DNMBP: variants seen among roughly 807,000 people sequenced by gnomAD.
The protein encoded by DNMBP is dynamin binding protein, also known as dynamin-binding protein.
DNMBP carries 87 observed loss-of-function variants against 150.0 expected under a neutral mutation model. The ratio of observed to expected loss-of-function variants is 0.58; its 90% CI spans 0.49 to 0.69. The LOEUF (loss-of-function observed/expected upper bound fraction) is 0.69. Ranked by LOEUF, DNMBP falls within the 30% of genes least tolerant of loss-of-function variation. DNMBP has a pLI of 0.00. For missense variants in DNMBP, 1,774 were observed against 1,949.0 expected (o/e 0.91, Z 1.69); for synonymous variants, 711 against 750.4 (o/e 0.95, Z 0.86).
chr10:99,895,692 C>T (rs888933281), intron 10 of DNMBP, among the ~76,000 whole-genome samples: 2 of 152,208 alleles, frequency 1.3e-5, no homozygotes, highest in Admixed American at 6.5e-5. Flanking sequence ...CTGTGGCATG[C>T]CTGCCCCCTT....
chr10:100,002,065 C>T (rs1443947198), intron 1 of DNMBP, among the ~76,000 whole-genome samples: 4 of 152,004 alleles, frequency 2.6e-5, no homozygotes, highest in Non-Finnish European at 4.4e-5. Flanking sequence ...CCAATCAAAG[C>T]AAAATGAACA....
rs2040475377 is a variant in DNMBP at position 99,955,462 on chromosome 10, T to A, written c.2012A>T (p.Glu671Val). The A allele has an allele frequency of 3.1e-6, 5 of 1,609,742 alleles. No homozygotes were observed. The highest frequency in any genetic ancestry group is 4.2e-6 in the Non-Finnish European group (5 of 1,177,360). Residue 671 changes from glutamate to valine, a missense_variant, in exon 4 of 17, where the codon GAG (glutamate) becomes GTG (valine). Physicochemically the swap from Glu to Val is moderately radical, Grantham distance 121 (BLOSUM62 -2). Around this residue, in one of 2 missense-constraint regions of DNMBP, gnomAD observed 1,430 missense variants for 1,492.5 expected, o/e 0.96. Transcript: ENST00000324109. ...KLLSRHRPTCETLEKEGPGHM... is the reference protein window; with the variant it reads ...KLLSRHRPTCVTLEKEGPGHM... ...ACCAGGGCCCTCCTTTTCTAAGGTC[T>A]CACAGGTAGGACGGTGTCGAGATAG...
At chr10:99,968,968 G>A (rs12267886) in intron 3 of DNMBP, 147 bp downstream of exon 3, 32,009 of 795,678 alleles carry the variant, frequency 0.04, 870 homozygotes, top group South Asian at 0.087. Flanking sequence ...TAAACTATAA[G>A]GCATCATTAC....
chr10:99,888,214 G>GTTTGTTTT (rs1554859135), intron 12 of DNMBP, among the ~76,000 whole-genome samples: 1 of 149,636 alleles, frequency 6.7e-6, no homozygotes, highest in Admixed American at 6.7e-5. Flanking sequence ...TTGTTTGTTT[G>GTTTGTTTT]TTTGTTTTTG....
rs1435676753 is a variant in DNMBP at position 99,879,875 on chromosome 10, C to T, written c.4484G>A (p.Arg1495Lys). The change falls in exon 16 of 17, where the codon AGA becomes AAA. Residue 1495 changes from arginine to lysine, a missense_variant. Arg to Lys is a conservative substitution (Grantham distance 26, BLOSUM62 2). Transcript: ENST00000324109. ...TCTGTCTTCCGGAGCCTGGGCTGTT[C>T]TTGCACATCCTTTGACGAGGTCTTG... ...QSQDLVKGCARTAQAPEDRST... is the reference protein window; with the variant it reads ...QSQDLVKGCAKTAQAPEDRST... 1 of 1,614,262 alleles carries T rather than the reference C, an allele frequency of 6.2e-7. No individual in the cohort carries two copies. Among genetic ancestry groups the T allele is most frequent in the African/African-American group, 1.3e-5 (1 of 75,068 alleles).
intron 4 of DNMBP, among the ~76,000 whole-genome samples, chr10:99,914,393 C>T (rs2039938430): frequency 6.6e-6 from 1 of 152,182 alleles, no homozygotes; most frequent in Non-Finnish European, 1.5e-5. Flanking sequence ...ATTCCAAAGG[C>T]CCAGCCATCT....
At chr10:99,971,091 G>C (rs2040671724) in intron 2 of DNMBP, among the ~76,000 whole-genome samples, 2 of 151,906 alleles carry the variant, frequency 1.3e-5, no homozygotes, top group South Asian at 4.2e-4. Flanking sequence ...ATAAAGACCT[G>C]GGAAGGGAAA....
At chr10:99,895,092 T>G in intron 10 of DNMBP, 42 bp from the exon 11 acceptor site, 5 of 998,970 alleles carry the variant, frequency 5.0e-6, no homozygotes, top group Non-Finnish European at 7.5e-6. Flanking sequence ...ATCTGGACAC[T>G]CCTTTAATCT....
At position 99,894,975 on chromosome 10, in the gene DNMBP, C is replaced by T; in HGVS notation, c.3127G>A (p.Asp1043Asn). The change falls in exon 11 of 17, where the codon GAC becomes AAC. Residue 1043 changes from aspartate (D) to asparagine (N), a missense_variant. This residue lies in a region of DNMBP where 1,430 missense variants were observed against 1,492.5 expected (regional missense o/e 0.96). Coordinates refer to ENST00000324109, the MANE Select transcript of DNMBP (RefSeq NM_015221.4). The part of the protein sequence containing the change: ...QERLIKSFIR[D>N]LSLYLQHIRE... ...ATGTGCTGGAGGTAGAGAGACAGGT[C>T]TCGGATAAAAGACTTAATCAATCTT... The T allele has an allele frequency of 1.2e-6, 2 of 1,614,010 alleles. No homozygotes were observed. The highest frequency in any genetic ancestry group is 1.7e-6 in the Non-Finnish European group (2 of 1,179,944).
At position 99,956,866 on chromosome 10, in the gene DNMBP, C is replaced by T; in HGVS notation, c.608G>A (p.Gly203Glu). ...TGACTCATCCACAGTCCTCAGGGGC[C>T]CCAACAGCTCTACAAAACCTTCTGG... ...IFPEGFVELLGPLRTVDESVS... is the reference protein window; with the variant it reads ...IFPEGFVELLEPLRTVDESVS... Residue 203 changes from glycine (G) to glutamate (E), a missense_variant, in exon 4 of 17, where the codon GGG becomes GAG. Around this residue, in one of 2 missense-constraint regions of DNMBP, gnomAD observed 344 missense variants for 456.6 expected, o/e 0.75. Coordinates refer to ENST00000324109, the MANE Select transcript of DNMBP (RefSeq NM_015221.4). 6.2e-7 allele frequency: 1 copy of T among 1,614,114 alleles called. No individual in the cohort carries two copies. Among genetic ancestry groups the T allele is most frequent in the Non-Finnish European group, 8.5e-7 (1 of 1,180,018 alleles).
rs534404726 is a variant in DNMBP, at chr10:99,992,933, A to C, written c.-11+16905T>G. ...GTGGTGTGCAACTGTAGCCCCAGCTAGTCAGGAGGCTGAGGTGGGAGGATC... is the reference window on the plus strand; with the variant it reads ...GTGGTGTGCAACTGTAGCCCCAGCTCGTCAGGAGGCTGAGGTGGGAGGATC... On this transcript the variant is annotated intron_variant, in intron 1 of 16. Coordinates refer to ENST00000324109, the MANE Select transcript of DNMBP (RefSeq NM_015221.4). 5.5e-4 allele frequency among the ~76,000 whole-genome samples: 84 copies of C among 152,268 alleles called. 1 individual carries two copies. Among genetic ancestry groups the C allele is most frequent in the African/African-American group, 2.0e-3 (84 of 41,552 alleles).
At chr10:99,891,163 TCCCCCTCTCCCTCC>T (rs1377037256) in intron 11 of DNMBP, among the ~76,000 whole-genome samples, 3 of 147,682 alleles carry the variant, frequency 2.0e-5, no homozygotes, top group African/African-American at 7.6e-5. Context: ...CCTCTCCCTC[TCCCCCTCTCCCTCC>T]CCCTCTCCCT....
rs1212422012 is a variant in DNMBP, at chr10:99,884,243, T to C, written c.3799-34A>G. 7.0e-6 allele frequency: 11 copies of C among 1,578,290 alleles called. No homozygotes were observed. In the Admixed American group the frequency reaches 1.2e-4, roughly 17 times the overall value. ...TAAGACGTTAACAAAAATCTCTCAGTGGCCACTACCCCAGCAGCCATATTT... is the reference window on the plus strand; with the variant it reads ...TAAGACGTTAACAAAAATCTCTCAGCGGCCACTACCCCAGCAGCCATATTT... On this transcript the variant is annotated intron_variant, in intron 14 of 16. Coordinates refer to ENST00000324109, the MANE Select transcript of DNMBP (RefSeq NM_015221.4).
intron 1 of DNMBP, among the ~76,000 whole-genome samples, chr10:99,985,806 A>G (rs935566051): frequency 2.0e-5 from 3 of 152,210 alleles, no homozygotes; most frequent in Non-Finnish European, 4.4e-5. Context: ...TCTGGAGTGC[A>G]GTGACGCAAT....
At chr10:99,891,900 C>G (rs1240170135) in intron 11 of DNMBP, among the ~76,000 whole-genome samples, 1 of 150,192 alleles carries the variant, frequency 6.7e-6, no homozygotes. Flanking sequence ...CTCTGCCGCC[C>G]CGTCCGGGAG....
At chr10:100,004,710 C>G (rs1197777528) in intron 1 of DNMBP, among the ~76,000 whole-genome samples, 2 of 152,032 alleles carry the variant, frequency 1.3e-5, no homozygotes, top group Non-Finnish European at 2.9e-5. Flanking sequence ...AACAAAACTC[C>G]AAAAACATAA....
In DNMBP at chr10:99,955,673, G is replaced by A; in HGVS notation, c.1801C>T (p.Leu601=). The A allele has an allele frequency of 1.2e-6, 2 of 1,614,242 alleles. No homozygotes were observed. Among genetic ancestry groups the A allele is most frequent in the South Asian group, 2.2e-5 (2 of 91,082 alleles). ...CTTAGGGCCTTTCTCCTTTCCGGCA[G>A]CTCCTGCTCGGTGATTAACTTTGAG... ...GSSKLITEQE[L]PERRKALRPP... The change falls in exon 4 of 17, where the codon CTG becomes TTG. Residue 601 remains leucine, a synonymous_variant. Coordinates refer to ENST00000324109, the MANE Select transcript of DNMBP (RefSeq NM_015221.4).
intron 2 of DNMBP, 100 bp from the exon 3 acceptor site, chr10:99,969,337 G>T (rs142365710): frequency 4.8e-6 from 6 of 1,256,944 alleles, no homozygotes; most frequent in Non-Finnish European, 6.7e-6. Context: ...TGTATAGACC[G>T]TAACTTGAAA....
intron 3 of DNMBP, among the ~76,000 whole-genome samples, chr10:99,964,135 C>CTCTTTT (rs1299820462): frequency 3.4e-5 from 3 of 87,236 alleles, no homozygotes; most frequent in African/African-American, 9.8e-5. Flanking sequence ...TATTCTCTCT[C>CTCTTTT]TTTTTTTTTT....
Sources: gnomAD v4.1 joint callset for allele counts (sites outside exome capture counted in the v4.1 genomes callset) on GRCh38, gnomAD v4.1.1 for gene constraint, gnomAD v4.1.1 regional missense constraint, MANE v1.5 for transcripts, NCBI Gene and HGNC (gene_info 2026-07-23, HGNC 2026-07-21) for gene names.